The following PEX26 variants were observed in gnomAD, a reference collection of about 807,000 sequenced individuals.
The protein encoded by PEX26 is peroxisomal biogenesis factor 26, also known as peroxisome assembly protein 26.
In PEX26, 18 loss-of-function variants were observed where a neutral mutation model predicts 31.4. The observed-to-expected ratio is 0.57, with a 90% CI of 0.40 to 0.85. PEX26 has a LOEUF of 0.85. PEX26 is among the 40% of genes least tolerant of loss of function. PEX26 has a pLI of 0.00. For missense variants in PEX26, 377 were observed against 383.9 expected, an observed-to-expected ratio of 0.98 and a Z score of 0.15; for synonymous variants, 176 against 166.9, an observed-to-expected ratio of 1.05 and a Z score of -0.42.
Position 18,078,253 on chromosome 22 carries a change from A to C in PEX26, c.-124A>C. 1.3e-6 allele frequency: 1 copy of C among 757,358 alleles called. No homozygotes were observed. Among genetic ancestry groups the C allele is most frequent in the Non-Finnish European group, 2.3e-6 (1 of 435,520 alleles). The allele number at this position is 757,358 out of a possible 1,614,324, so 46.9% of individuals were successfully genotyped here. ...CCTTCTCGGGGAATCGACCTCGGGA[A>C]GGGGTGTGGGCAAAGAGATGAGGAC... is the stretch of plus-strand genomic sequence containing the variant. On this transcript the variant is annotated 5_prime_UTR_variant, in exon 1 of 5. Transcript: ENST00000399744.
In PEX26 at chr22:18,088,286, G is replaced by T; in HGVS notation, c.*211G>T. On this transcript the variant is annotated 3_prime_UTR_variant, in exon 5 of 5. Transcript: ENST00000399744. The surrounding 1 kb of genome is among the most constrained non-coding windows in gnomAD (Gnocchi z 4.1). ...TGTGGAAACAAAGCAGGACCAGCAG[G>T]CACAGCACCTCCAGAACAGTGCCCC... is the stretch of plus-strand genomic sequence containing the variant. 1.5e-6 allele frequency: 1 copy of T among 683,276 alleles called. No individual in the cohort carries two copies. The highest frequency in any genetic ancestry group is 2.8e-5 in the East Asian group (1 of 36,172). The allele number at this position is 683,276 out of a possible 1,614,324, so 42.3% of individuals were successfully genotyped here. A position where few individuals can be genotyped will look rare whatever the true frequency, so the allele number is the denominator to read the frequency against.
At position 18,078,331 on chromosome 22, in the gene PEX26, G is replaced by T. The variant is rs760205716; in HGVS notation, c.-46G>T. The T allele has an allele frequency of 1.4e-6, 2 of 1,394,294 alleles. No homozygotes were observed. Among genetic ancestry groups the T allele is most frequent in the South Asian group, 1.2e-5 (1 of 83,496 alleles). The allele number at this position is 1,394,294 out of a possible 1,614,324, so 86.4% of individuals were successfully genotyped here. ...GATATCCCGGAGCCTCTGGGGAGGC[G>T]GTCACTCCGACGTCTGAGGACCTGG... On this transcript the variant is annotated 5_prime_UTR_variant, in exon 1 of 5. Coordinates refer to ENST00000399744, the MANE Select transcript of PEX26 (RefSeq NM_001127649.3).
intron 4 of PEX26, among the ~76,000 whole-genome samples, chr22:18,085,547 G>C (rs192464905): frequency 1.4e-4 from 21 of 152,168 alleles, no homozygotes; most frequent in African/African-American, 5.1e-4. Context: ...TTCTAGGGCT[G>C]AACTCTGACT....
Position 18,095,018 on chromosome 22 carries a change from CT to C in PEX26, c.*6944del, listed in dbSNP as rs1927250241. Reference sequence around the variant, plus strand: ...CAGGTACCAGGATTTCTGTTCTTATCTCCCCCATAGCACCTGGAATGAGGCC... The same window carrying C: ...CAGGTACCAGGATTTCTGTTCTTATCCCCCCATAGCACCTGGAATGAGGCC... On this transcript the variant is annotated 3_prime_UTR_variant, in exon 5 of 5. Transcript: ENST00000399744. 1.3e-5 allele frequency: 2 copies of C among 152,164 alleles called. No individual in the cohort carries two copies. Among genetic ancestry groups the C allele is most frequent in the African/African-American group, 4.8e-5 (2 of 41,424 alleles). The allele number at this position is 152,164 out of a possible 1,614,324, so 9.4% of individuals were successfully genotyped here. A position where few individuals can be genotyped will look rare whatever the true frequency, so the allele number is the denominator to read the frequency against.
chr22:18,078,096 A>T lies in PEX26; in HGVS notation c.-281A>T. 3.3e-6 allele frequency: 2 copies of T among 601,444 alleles called. No individual in the cohort carries two copies. The highest frequency in any genetic ancestry group is 6.2e-6 in the Non-Finnish European group (2 of 321,116). 37.3% of individuals were successfully genotyped at this position (601,444 alleles called of 1,614,324 possible). A position where few individuals can be genotyped will look rare whatever the true frequency, so the allele number is the denominator to read the frequency against. On this transcript the variant is annotated 5_prime_UTR_variant, in exon 1 of 5. Transcript: ENST00000399744. ...AGCCCGGAGCTGAGGCAGTTCCTGC[A>T]CGTGTCGCGGGGCCGGAGAAGCTAG...
rs1213835971 is a variant in PEX26, at chr22:18,092,663, C to T, written c.*4588C>T. Reference sequence around the variant, plus strand: ...ATTAATTAACTAATTCTTTTTTTTCCTGCAACTCCTGCTTCACAGACTTTT... The same window carrying T: ...ATTAATTAACTAATTCTTTTTTTTCTTGCAACTCCTGCTTCACAGACTTTT... On this transcript the variant is annotated 3_prime_UTR_variant, in exon 5 of 5. Coordinates refer to ENST00000399744, the MANE Select transcript of PEX26 (RefSeq NM_001127649.3). 16 of 149,092 alleles carry T rather than the reference C, an allele frequency of 1.1e-4. No homozygotes were observed. The highest frequency in any genetic ancestry group is 3.5e-4 in the African/African-American group (14 of 40,576). 9.2% of individuals were successfully genotyped at this position (149,092 alleles called of 1,614,324 possible). A position where few individuals can be genotyped will look rare whatever the true frequency, so the allele number is the denominator to read the frequency against.
chr22:18,080,212 A>C (rs542512948), intron 2 of PEX26, among the ~76,000 whole-genome samples, 198 bp downstream of exon 2: 1 of 152,268 alleles, frequency 6.6e-6, no homozygotes, highest in African/African-American at 2.4e-5. Context: ...AATAGATATA[A>C]AGAAGGGAGG....
In PEX26 at chr22:18,092,607, G is replaced by A. The variant is rs1927140214; in HGVS notation, c.*4532G>A. On this transcript the variant is annotated 3_prime_UTR_variant, in exon 5 of 5. Transcript: ENST00000399744. ...ACTCAGAAATAATTACTATTAATACGGTTGATTTTCTTTCAGCTTTTTTCC... is the reference window on the plus strand; with the variant it reads ...ACTCAGAAATAATTACTATTAATACAGTTGATTTTCTTTCAGCTTTTTTCC... The A allele has an allele frequency of 1.3e-5, 2 of 151,934 alleles. No homozygotes were observed. Among genetic ancestry groups the A allele is most frequent in the South Asian group, 2.1e-4 (1 of 4,822 alleles). 9.4% of individuals were successfully genotyped at this position (151,934 alleles called of 1,614,324 possible). A position where few individuals can be genotyped will look rare whatever the true frequency, so the allele number is the denominator to read the frequency against.
chr22:18,088,357 CTG>C lies in PEX26; in HGVS notation c.*286_*287del. 1 of 551,574 alleles carries C rather than the reference CTG, an allele frequency of 1.8e-6. No homozygotes were observed. The highest frequency in any genetic ancestry group is 3.3e-6 in the Non-Finnish European group (1 of 299,372). The allele number at this position is 551,574 out of a possible 1,614,324, so 34.2% of individuals were successfully genotyped here. On this transcript the variant is annotated 3_prime_UTR_variant, in exon 5 of 5. Coordinates refer to ENST00000399744, the MANE Select transcript of PEX26 (RefSeq NM_001127649.3). This position sits in a 1 kb window ranked among gnomAD's most constrained non-coding sequence, Gnocchi z 4.1. ...AAAAGGAGGGGTTTGGGGACAGGGA[CTG>C]TGTCCATGAAACATTCCATCTTCTT...
In PEX26 at chr22:18,096,420, ATT is replaced by A. The variant is rs1290894137; in HGVS notation, c.*8360_*8361del. The A allele has an allele frequency of 9.1e-5, 13 of 142,312 alleles. No homozygotes were observed. Among genetic ancestry groups the A allele is most frequent in the Non-Finnish European group, 1.4e-4 (9 of 64,618 alleles). The allele number at this position is 142,312 out of a possible 1,614,324, so 8.8% of individuals were successfully genotyped here. ...AACTAGGCTTTGCAAATGGCTCTGA[ATT>A]TTTTTTTTTTTTTTGAGATGGAGTC... On this transcript the variant is annotated 3_prime_UTR_variant, in exon 5 of 5. Transcript: ENST00000399744.
chr22:18,079,943 A>G lies in PEX26; in HGVS notation c.300A>G (p.Gln100=). 1.2e-6 allele frequency: 2 copies of G among 1,614,134 alleles called. No individual in the cohort carries two copies. The highest frequency in any genetic ancestry group is 1.7e-6 in the Non-Finnish European group (2 of 1,179,992). The change falls in exon 2 of 5, where the codon CAA becomes CAG. Residue 100 remains glutamine, a synonymous_variant. Coordinates refer to ENST00000399744, the MANE Select transcript of PEX26 (RefSeq NM_001127649.3). The part of the protein sequence containing the change: ...IQALAEMDRW[Q]EVLSWVLQYY... ...CCCTGGCAGAAATGGATCGGTGGCA[A>G]GAAGTCCTCTCCTGGGTCCTTCAGT...
rs569250336 is a variant in PEX26, at chr22:18,097,332, C to T, written c.*9257C>T. The T allele has an allele frequency of 2.4e-4, 36 of 150,142 alleles. 1 individual carries two copies. The highest frequency in any genetic ancestry group is 6.9e-4 in the African/African-American group (28 of 40,708). The allele number at this position is 150,142 out of a possible 1,614,324, so 9.3% of individuals were successfully genotyped here. A position where few individuals can be genotyped will look rare whatever the true frequency, so the allele number is the denominator to read the frequency against. On this transcript the variant is annotated 3_prime_UTR_variant, in exon 5 of 5. Coordinates refer to ENST00000399744, the MANE Select transcript of PEX26 (RefSeq NM_001127649.3). The stretch of plus-strand genomic sequence containing the variant: ...AGGCTGGAGTGCAGGGGTGTGATCT[C>T]GGCTCACTGCAAGCTCCGCCTTCCG...
rs1162886687 is a variant in PEX26 at position 18,094,386 on chromosome 22, G to A, written c.*6311G>A. ...GCCACCACGCCTGGCTAATTTTTTGGTATTTTTAGTAGAGACTGGGTTTCA... is the reference window on the plus strand; with the variant it reads ...GCCACCACGCCTGGCTAATTTTTTGATATTTTTAGTAGAGACTGGGTTTCA... On this transcript the variant is annotated 3_prime_UTR_variant, in exon 5 of 5. Transcript: ENST00000399744. The A allele has an allele frequency of 6.6e-6, 1 of 152,134 alleles. No individual in the cohort carries two copies. The highest frequency in any genetic ancestry group is 1.9e-4 in the East Asian group (1 of 5,166). 9.4% of individuals were successfully genotyped at this position (152,134 alleles called of 1,614,324 possible).
At chr22:18,084,039 TG>T (rs1926731439) in intron 3 of PEX26, among the ~76,000 whole-genome samples, 1 of 152,208 alleles carries the variant, frequency 6.6e-6, no homozygotes, top group Non-Finnish European at 1.5e-5. Flanking sequence ...CATACTGGTC[TG>T]GGTGGGATGT....
chr22:18,079,895 C>T lies in PEX26; in HGVS notation c.252C>T (p.Ser84=). 6.2e-7 allele frequency: 1 copy of T among 1,614,028 alleles called. No homozygotes were observed. Among genetic ancestry groups the T allele is most frequent in the Non-Finnish European group, 8.5e-7 (1 of 1,179,990 alleles). ...ACAGCTCATTGGAGGTGAAGTGCTC[C>T]CTGTGTGTTGTGGGGATCCAGGCCC... ...PAGTSLEVKC[S]LCVVGIQALA... The change falls in exon 2 of 5, where the codon TCC becomes TCT. Residue 84 remains serine, a synonymous_variant. Coordinates refer to ENST00000399744, the MANE Select transcript of PEX26 (RefSeq NM_001127649.3).
Position 18,094,548 on chromosome 22 carries a change from A to T in PEX26, c.*6473A>T, listed in dbSNP as rs569646637. ...CGACCTCAACATAATTTACATGGAG[A>T]AGTTTCTTAGGTGGAAAACCGATTT... On this transcript the variant is annotated 3_prime_UTR_variant, in exon 5 of 5. Coordinates refer to ENST00000399744, the MANE Select transcript of PEX26 (RefSeq NM_001127649.3). 2 of 152,270 alleles carry T rather than the reference A, an allele frequency of 1.3e-5. No individual in the cohort carries two copies. The highest frequency in any genetic ancestry group is 4.8e-5 in the African/African-American group (2 of 41,560). 9.4% of individuals were successfully genotyped at this position (152,270 alleles called of 1,614,324 possible). A position where few individuals can be genotyped will look rare whatever the true frequency, so the allele number is the denominator to read the frequency against.
chr22:18,081,245 T>TACACACACACACACACACAC (rs59081749), intron 2 of PEX26, among the ~76,000 whole-genome samples: 21 of 138,122 alleles, frequency 1.5e-4, no homozygotes, highest in South Asian at 6.9e-4. Flanking sequence ...TGTACACATA[T>TACACACACACACACACACAC]ACACACACAC....
chr22:18,081,914 T>C (rs1926628256), intron 2 of PEX26, among the ~76,000 whole-genome samples: 1 of 152,236 alleles, frequency 6.6e-6, no homozygotes, highest in Non-Finnish European at 1.5e-5. Flanking sequence ...AGAGCTGTTC[T>C]AACTGGAGCG....
intron 3 of PEX26, among the ~76,000 whole-genome samples, 162 bp downstream of exon 3, chr22:18,083,894 A>AG (rs1432779051): frequency 6.6e-6 from 1 of 152,236 alleles, no homozygotes; most frequent in Non-Finnish European, 1.5e-5. Flanking sequence ...CACAAAGTGA[A>AG]GGCCAGACCC....
Sources: gnomAD v4.1 joint callset for allele counts (sites outside exome capture counted in the v4.1 genomes callset) on GRCh38, gnomAD v4.1.1 for gene constraint, Gnocchi (gnomAD v3.1) non-coding constraint, MANE v1.5 for transcripts, NCBI Gene and HGNC (gene_info 2026-07-23, HGNC 2026-07-21) for gene names.